NRG1: variants seen among roughly 807,000 people sequenced by gnomAD.
NRG1 encodes the protein pro-neuregulin-1, membrane-bound isoform.
Under a neutral mutation model 63.8 loss-of-function variants are expected in NRG1, and 18 were observed. That is an observed-to-expected ratio of 0.28 (90% CI 0.19 to 0.42). The LOEUF (loss-of-function observed/expected upper bound fraction) is 0.42. Among genes scored for constraint, NRG1 ranks in the 10% least tolerant of loss-of-function variants. The probability of loss-of-function intolerance (pLI) is 1.00; values close to 1 mark genes in which losing one functional copy is unlikely to be tolerated. For synonymous variants in NRG1, 302 were observed against 301.3 expected (o/e 1.00, Z -0.02); for missense variants, 762 against 814.7 (o/e 0.94, Z 0.79).
chr8:31,680,145 T>G (rs1159123484), intron 1 of NRG1, among the ~76,000 whole-genome samples: 1 of 152,128 alleles, frequency 6.6e-6, no homozygotes, highest in Non-Finnish European at 1.5e-5. Flanking sequence ...TATTTTTTAT[T>G]TTTTTATTAT....
At chr8:32,648,193 G>T (rs1854095145) in intron 5 of NRG1, 1 of 1,614,064 alleles carries the variant, frequency 6.2e-7, no homozygotes, top group East Asian at 2.2e-5. Context: ...ACAGTGCAAG[G>T]TGACAAGGCT....
intron 5 of NRG1, among the ~76,000 whole-genome samples, chr8:32,669,516 C>A (rs2128891430): frequency 6.6e-6 from 1 of 152,232 alleles, no homozygotes; most frequent in African/African-American, 2.4e-5. Flanking sequence ...GTATAAAACC[C>A]AATGGCTAAC....
intron 1 of NRG1, among the ~76,000 whole-genome samples, chr8:32,276,783 G>A (rs1044398872): frequency 1.3e-5 from 2 of 152,186 alleles, no homozygotes; most frequent in Non-Finnish European, 2.9e-5. Flanking sequence ...CCCTCTGGCT[G>A]CTCTGTGAAA....
intron 1 of NRG1, among the ~76,000 whole-genome samples, chr8:32,472,778 G>A (rs1244136712): frequency 2.6e-5 from 4 of 152,138 alleles, no homozygotes; most frequent in South Asian, 2.1e-4. Flanking sequence ...TTGCGTTGTC[G>A]TGCGGGTTCC....
chr8:32,371,887 G>A (rs1004271433), intron 1 of NRG1, among the ~76,000 whole-genome samples: 1 of 151,900 alleles, frequency 6.6e-6, no homozygotes, highest in African/African-American at 2.4e-5. Context: ...GTTTGTTAAA[G>A]CTTCTATTCT....
chr8:31,978,089 G>C (rs1182160594), intron 1 of NRG1, among the ~76,000 whole-genome samples: 1 of 151,974 alleles, frequency 6.6e-6, no homozygotes, highest in Non-Finnish European at 1.5e-5. Context: ...ATGAATTCCT[G>C]GTTGAATTTG....
intron 1 of NRG1, among the ~76,000 whole-genome samples, chr8:32,314,021 G>C (rs1857100798): frequency 1.3e-5 from 2 of 152,070 alleles, no homozygotes; most frequent in African/African-American, 4.8e-5. Context: ...CCCTTAATCA[G>C]CTTTTTTTCT....
At chr8:32,763,106 C>A in intron 11 of NRG1, 2 of 1,134,456 alleles carry the variant, frequency 1.8e-6, no homozygotes, top group Non-Finnish European at 2.6e-6. Context: ...ATGGATAGTT[C>A]CAAATTGAAT....
chr8:32,502,228 G>T (rs974157963), intron 1 of NRG1, among the ~76,000 whole-genome samples: 1 of 151,742 alleles, frequency 6.6e-6, no homozygotes, highest in Non-Finnish European at 1.5e-5. Flanking sequence ...GCAGGAGCAG[G>T]AGCAACAGAG....
At chr8:32,183,740 T>G (rs1358283783) in intron 1 of NRG1, among the ~76,000 whole-genome samples, 6 of 152,176 alleles carry the variant, frequency 3.9e-5, no homozygotes, top group African/African-American at 1.4e-4. Flanking sequence ...TACAAGAAGC[T>G]TATTACCCAT....
upstream of NRG1, among the ~76,000 whole-genome samples, chr8:32,544,819 G>T (rs1308871321): frequency 1.3e-5 from 2 of 148,546 alleles, no homozygotes; most frequent in African/African-American, 2.5e-5. Context: ...CACCATGCCC[G>T]GCCTGTCTAT....
chr8:32,563,096 A>G (rs1301632161), intron 1 of NRG1, among the ~76,000 whole-genome samples: 3 of 152,130 alleles, frequency 2.0e-5, no homozygotes, highest in African/African-American at 7.2e-5. Context: ...CAAATTTGTA[A>G]ACTTTCTTAA....
chr8:32,655,306 T>G (rs77225838), intron 5 of NRG1, among the ~76,000 whole-genome samples: 6,280 of 152,252 alleles, frequency 0.041, 420 homozygotes, highest in African/African-American at 0.14. Context: ...GGAATTATGC[T>G]AGAAACTCGA....
intron 1 of NRG1, among the ~76,000 whole-genome samples, chr8:32,292,691 G>A (rs565139157): frequency 7.6e-4 from 115 of 152,300 alleles, no homozygotes; most frequent in African/African-American, 2.7e-3. Context: ...ATAAATAGAA[G>A]GTGTGACACT....
intron 1 of NRG1, among the ~76,000 whole-genome samples, chr8:32,487,681 G>A (rs1430911260): frequency 2.0e-5 from 3 of 152,138 alleles, no homozygotes; most frequent in Non-Finnish European, 4.4e-5. Context: ...GTGAGCATTT[G>A]GTGCCACTGA....
intron 7 of NRG1, among the ~76,000 whole-genome samples, chr8:32,751,895 TC>T (rs1389888205): frequency 6.6e-6 from 1 of 152,200 alleles, no homozygotes; most frequent in Non-Finnish European, 1.5e-5. Flanking sequence ...AGACAACTTG[TC>T]CCAAGAATCC....
At chr8:31,696,048 TA>T (rs1325410725) in intron 1 of NRG1, among the ~76,000 whole-genome samples, 2 of 152,162 alleles carry the variant, frequency 1.3e-5, no homozygotes, top group Non-Finnish European at 2.9e-5. Context: ...CATTCAAAAA[TA>T]TTTTTTAAGT....
intron 1 of NRG1, among the ~76,000 whole-genome samples, chr8:31,709,127 T>A (rs1811473481): frequency 6.6e-6 from 1 of 152,060 alleles, no homozygotes; most frequent in Non-Finnish European, 1.5e-5. Context: ...CCCATGTTGT[T>A]CAAGGTTCAA....
chr8:31,735,882 G>C (rs1814615962), intron 1 of NRG1, among the ~76,000 whole-genome samples: 1 of 152,066 alleles, frequency 6.6e-6, no homozygotes, highest in African/African-American at 2.4e-5. Flanking sequence ...CATGTATCTA[G>C]AACTTGGCAC....
Sources: gnomAD v4.1 joint callset for allele counts (sites outside exome capture counted in the v4.1 genomes callset) on GRCh38, gnomAD v4.1.1 for gene constraint, MANE v1.5 for transcripts, NCBI Gene and HGNC (gene_info 2026-07-23, HGNC 2026-07-21) for gene names.